ADAMTS14: variants seen among roughly 807,000 people sequenced by gnomAD.
The protein encoded by ADAMTS14 is ADAM metallopeptidase with thrombospondin type 1 motif 14.
Under a neutral mutation model 128.6 loss-of-function variants are expected in ADAMTS14, and 100 were observed. The ratio of observed to expected loss-of-function variants is 0.78; its 90% CI spans 0.66 to 0.92. The LOEUF is 0.92. Among genes scored for constraint, ADAMTS14 ranks in the 40% least tolerant of loss-of-function variants. The probability of loss-of-function intolerance (pLI) is 0.00; values close to 1 mark genes in which losing one functional copy is unlikely to be tolerated. For missense variants in ADAMTS14, 1,562 were observed against 1,658.6 expected, an observed-to-expected ratio of 0.94 and a Z score of 1.01; for synonymous variants, 665 against 653.8, an observed-to-expected ratio of 1.02 and a Z score of -0.26.
intron 4 of ADAMTS14, among the ~76,000 whole-genome samples, chr10:70,722,492 G>A (rs1464085992): frequency 6.6e-6 from 1 of 152,170 alleles, no homozygotes; most frequent in South Asian, 2.1e-4. Flanking sequence ...GCAAGCTTCC[G>A]TATACCTTTG....
At chr10:70,753,553 G>T (rs953486009) in intron 18 of ADAMTS14, among the ~76,000 whole-genome samples, 2 of 152,198 alleles carry the variant, frequency 1.3e-5, no homozygotes, top group Non-Finnish European at 2.9e-5. Context: ...GACATGCAGG[G>T]TGCTAGGATT....
At chr10:70,757,563 AG>A (rs1194055670) in intron 19 of ADAMTS14, among the ~76,000 whole-genome samples, 2 of 152,132 alleles carry the variant, frequency 1.3e-5, no homozygotes, top group Non-Finnish European at 2.9e-5. Context: ...GGATTGCAAC[AG>A]GGGAGTTTGC....
rs866960706 is a variant in ADAMTS14 at position 70,696,934 on chromosome 10, C to T, written c.523-5378C>T. On this transcript the variant is annotated intron_variant, in intron 2 of 21. Transcript: ENST00000373207. ...CCATTTCTGATCCTTGTGTGTATCA[C>T]CCCAGCATCCAGTTGCTGGGTTTTC... Among the ~76,000 whole-genome samples the T allele has an allele frequency of 2.0e-5, 3 of 152,142 alleles. No homozygotes were observed. The South Asian group carries it at 6.2e-4, about 31-fold the overall frequency.
chr10:70,690,072 C>T lies in ADAMTS14; in HGVS notation c.523-12240C>T, dbSNP rs7902697. On this transcript the variant is annotated intron_variant, in intron 2 of 21. Coordinates refer to ENST00000373207, the MANE Select transcript of ADAMTS14 (RefSeq NM_080722.4). ...TAATTTTTGGCTGTGTCTCCAGCACCTAGATCAGGGGCTTCTCAGTCATCA... is the reference window on the plus strand; with the variant it reads ...TAATTTTTGGCTGTGTCTCCAGCACTTAGATCAGGGGCTTCTCAGTCATCA... Among the ~76,000 whole-genome samples, 258 of 144,814 alleles carry T rather than the reference C, an allele frequency of 1.8e-3. 13 individuals are homozygous for T. The highest frequency in any genetic ancestry group is 6.2e-3 in the African/African-American group (254 of 40,934).
chr10:70,716,437 T>G (rs1841046733), intron 4 of ADAMTS14, among the ~76,000 whole-genome samples: 1 of 151,842 alleles, frequency 6.6e-6, no homozygotes, highest in African/African-American at 2.4e-5. Flanking sequence ...ACATGGGCGG[T>G]GTGGGGTTCT....
At chr10:70,697,773 C>T (rs1840375035) in intron 2 of ADAMTS14, among the ~76,000 whole-genome samples, 1 of 52,584 alleles carries the variant, frequency 1.9e-5, no homozygotes, top group Admixed American at 1.5e-4. Flanking sequence ...GGGCTTACAC[C>T]CTGAGGGGCT....
intron 8 of ADAMTS14, 46 bp downstream of exon 8, chr10:70,734,074 C>T (rs1266759255): frequency 6.3e-7 from 1 of 1,590,042 alleles, no homozygotes. Context: ...AGCATGCGAC[C>T]TGCCACTCTG....
chr10:70,683,679 A>G (rs1457945016), intron 2 of ADAMTS14, among the ~76,000 whole-genome samples: 1 of 152,214 alleles, frequency 6.6e-6, no homozygotes, highest in African/African-American at 2.4e-5. Context: ...CCTTCCTCAC[A>G]ACTCTGTGGG....
intron 6 of ADAMTS14, among the ~76,000 whole-genome samples, chr10:70,731,213 CAG>C (rs748987136): frequency 3.6e-4 from 55 of 152,258 alleles, no homozygotes; most frequent in Middle Eastern, 3.4e-3. Context: ...CACAGACACA[CAG>C]AGACACTGCA....
intron 10 of ADAMTS14, 121 bp from the exon 11 acceptor site, chr10:70,738,721 T>C: frequency 1.5e-6 from 2 of 1,374,846 alleles, no homozygotes; most frequent in South Asian, 1.3e-5. Flanking sequence ...GCTCAGCTCA[T>C]GCTAGGGGTG....
In ADAMTS14 at chr10:70,749,998, C is replaced by G; in HGVS notation, c.2427+13C>G. Reference sequence around the variant, plus strand: ...CATTGCCATCCTGGTGAGCCCCACTCTGTGCGGTGGCAACCCCTGCCCACC... The same window carrying G: ...CATTGCCATCCTGGTGAGCCCCACTGTGTGCGGTGGCAACCCCTGCCCACC... On this transcript the variant is annotated intron_variant, in intron 16 of 21. Coordinates refer to ENST00000373207, the MANE Select transcript of ADAMTS14 (RefSeq NM_080722.4). 1 of 1,613,246 alleles carries G rather than the reference C, an allele frequency of 6.2e-7. No homozygotes were observed. Among genetic ancestry groups the G allele is most frequent in the East Asian group, 2.2e-5 (1 of 44,858 alleles).
intron 3 of ADAMTS14, among the ~76,000 whole-genome samples, chr10:70,707,278 CT>C (rs1223096706): frequency 2.0e-5 from 3 of 152,252 alleles, no homozygotes; most frequent in African/African-American, 7.2e-5. Context: ...TGCCACACCC[CT>C]AATACATGCT....
Position 70,760,508 on chromosome 10 carries a change from C to T in ADAMTS14, c.3327C>T (p.Thr1109=). The T allele has an allele frequency of 6.2e-7, 1 of 1,613,936 alleles. No homozygotes were observed. Among genetic ancestry groups the T allele is most frequent in the South Asian group, 1.1e-5 (1 of 91,042 alleles). The change falls in exon 22 of 22, where the codon ACC becomes ACT. Residue 1109 remains threonine, a synonymous_variant. Coordinates refer to ENST00000373207, the MANE Select transcript of ADAMTS14 (RefSeq NM_080722.4). The part of the protein sequence containing the change: ...GPNPGPDPGP[T]SLPPFSTPGS... ...ACCCTGGCCCAGACCCTGGCCCAAC[C>T]TCACTGCCCCCCTTCTCCACTCCTG... is the stretch of plus-strand genomic sequence containing the variant.
Position 70,753,841 on chromosome 10 carries a change from G to A in ADAMTS14, c.2771G>A (p.Gly924Glu), listed in dbSNP as rs1157359697. ...TGGGGTGCCTGCAGCCGGAGCTGTG[G>A]GAAGCTGGGGGTGCAGACACGGGGG... ...EEWGACSRSCGKLGVQTRGIQ... is the reference protein window; with the variant it reads ...EEWGACSRSCEKLGVQTRGIQ... Residue 924 changes from glycine (G) to glutamate (E), a missense_variant, in exon 19 of 22, where the codon GGG (glycine) becomes GAG (glutamate). By Grantham distance (98) the Gly-to-Glu change is moderately conservative. Transcript: ENST00000373207. The A allele has an allele frequency of 1.3e-6, 2 of 1,592,820 alleles. No individual in the cohort carries two copies. The highest frequency in any genetic ancestry group is 2.3e-5 in the South Asian group (2 of 86,788).
intron 4 of ADAMTS14, among the ~76,000 whole-genome samples, chr10:70,715,981 C>G (rs1841025674): frequency 6.6e-6 from 1 of 152,214 alleles, no homozygotes; most frequent in South Asian, 2.1e-4. Flanking sequence ...GTAACCCATT[C>G]TAACCTTCTT....
intron 4 of ADAMTS14, among the ~76,000 whole-genome samples, chr10:70,725,644 C>A (rs56098912): frequency 0.13 from 19,444 of 152,162 alleles, 1,785 homozygotes; most frequent in East Asian, 0.44. Context: ...GAGGGCTCTG[C>A]CTTTATGACT....
At chr10:70,760,032 A>G (rs1842568000) in intron 21 of ADAMTS14, among the ~76,000 whole-genome samples, 1 of 152,228 alleles carries the variant, frequency 6.6e-6, no homozygotes, top group Non-Finnish European at 1.5e-5. Context: ...GCTGAGCCCC[A>G]GCCTGAGTTT....
chr10:70,692,102 A>G (rs1339792127), intron 2 of ADAMTS14, among the ~76,000 whole-genome samples: 2 of 151,350 alleles, frequency 1.3e-5, no homozygotes, highest in Non-Finnish European at 2.9e-5. Flanking sequence ...CCCACCCATC[A>G]GGTTTTGATT....
intron 19 of ADAMTS14, among the ~76,000 whole-genome samples, chr10:70,755,053 G>A (rs574424311): frequency 2.2e-4 from 33 of 152,266 alleles, no homozygotes; most frequent in Admixed American, 1.5e-3. Flanking sequence ...GGCTGAGGTG[G>A]GCAGATCTTT....
Sources: allele counts gnomAD v4.1 joint callset (sites outside exome capture counted in the v4.1 genomes callset), GRCh38; gene constraint gnomAD v4.1.1; transcripts MANE v1.5; gene names NCBI Gene and HGNC (gene_info 2026-07-23, HGNC 2026-07-21).